The following IFT74 variants were observed in gnomAD, a reference collection of about 807,000 sequenced individuals.
The protein encoded by IFT74 is intraflagellar transport protein 74 homolog.
In IFT74, 92 loss-of-function variants were observed where a neutral mutation model predicts 96.7. The ratio of observed to expected loss-of-function variants is 0.95; its 90% CI spans 0.80 to 1.13. The LOEUF (loss-of-function observed/expected upper bound fraction) is 1.13, where lower values mean the gene tolerates loss of function less well. Among genes scored for constraint, IFT74 ranks in the 50% most tolerant of loss-of-function variants. The pLI is 0.00. For synonymous variants in IFT74, 223 were observed against 213.2 expected (o/e 1.05, Z -0.40); for missense variants, 811 against 698.2 (o/e 1.16, Z -1.82).
chr9:27,033,853 A>T (rs561830657), intron 13 of IFT74, among the ~76,000 whole-genome samples: 169 of 152,336 alleles, frequency 1.1e-3, no homozygotes, highest in Non-Finnish European at 2.0e-3. Flanking sequence ...AAAAGGTTGT[A>T]TTATGTTATA....
Position 27,048,151 on chromosome 9 carries a change from A to G in IFT74, c.1210A>G (p.Ile404Val). Residue 404 changes from isoleucine to valine, a missense_variant, in exon 16 of 20, where the codon ATA (isoleucine) becomes GTA (valine). By Grantham distance (29) the Ile-to-Val change is conservative. Transcript: ENST00000380062. ...TTTTATTTCTCTGCAAATGCAGAAT[A>G]TAAATCGTATAGAACAGATATCCTC... ...VALLEHCSRN[I>V]NRIEQISSIT... The G allele has an allele frequency of 1.9e-6, 3 of 1,566,770 alleles. No homozygotes were observed. The highest frequency in any genetic ancestry group is 2.6e-6 in the Non-Finnish European group (3 of 1,156,500).
rs73643121 is a variant in IFT74, at chr9:26,975,439, G to A, written c.121-2689G>A. On this transcript the variant is annotated intron_variant, in intron 2 of 19. Coordinates refer to ENST00000380062, the MANE Select transcript of IFT74 (RefSeq NM_025103.4). ...TTTGGCCGGAAAACTGAGGGTTTGA[G>A]GATGGGCCTTCAGTCCAAATAAAAC... Among the ~76,000 whole-genome samples, 894 of 152,252 alleles carry A rather than the reference G, an allele frequency of 5.9e-3. 9 individuals carry two copies. The highest frequency in any genetic ancestry group is 0.02 in the African/African-American group (851 of 41,554).
At chr9:27,001,300 C>CT (rs1047884153) in intron 8 of IFT74, among the ~76,000 whole-genome samples, 2 of 151,812 alleles carry the variant, frequency 1.3e-5, no homozygotes, top group African/African-American at 2.4e-5. Flanking sequence ...ATATTCATCT[C>CT]TTTTTTTTAA....
At chr9:27,037,050 T>C (rs1211229989) in intron 13 of IFT74, among the ~76,000 whole-genome samples, 1 of 151,958 alleles carries the variant, frequency 6.6e-6, no homozygotes, top group Non-Finnish European at 1.5e-5. Flanking sequence ...AAACCCCGTC[T>C]CTACTAAAAA....
chr9:26,980,696 C>G, intron 4 of IFT74, 77 bp downstream of exon 4: 1 of 913,228 alleles, frequency 1.1e-6, no homozygotes, highest in Non-Finnish European at 1.7e-6. Flanking sequence ...GAGTATATAA[C>G]TTTAATATGA....
At chr9:26,982,111 G>A (rs1299124127) in intron 4 of IFT74, among the ~76,000 whole-genome samples, 3 of 151,912 alleles carry the variant, frequency 2.0e-5, no homozygotes, top group Non-Finnish European at 2.9e-5. Context: ...AATCTGAAAC[G>A]TGTTACTCAT....
intron 13 of IFT74, chr9:27,036,387 T>C (rs978424840): frequency 1.3e-6 from 2 of 1,584,792 alleles, no homozygotes; most frequent in Non-Finnish European, 1.7e-6. Context: ...ATATGTACTC[T>C]TTTTACCACA....
chr9:27,059,200 T>C (rs758674684), intron 18 of IFT74, among the ~76,000 whole-genome samples: 2 of 152,208 alleles, frequency 1.3e-5, no homozygotes, highest in Non-Finnish European at 2.9e-5. Context: ...CTCTGTGTTA[T>C]TTGTCATCTT....
At chr9:27,021,191 G>T (rs1314435527) in intron 12 of IFT74, among the ~76,000 whole-genome samples, 1 of 151,802 alleles carries the variant, frequency 6.6e-6, no homozygotes, top group African/African-American at 2.4e-5. Flanking sequence ...AAATATATAC[G>T]CACACACACA....
chr9:26,997,660 G>T, intron 8 of IFT74: 1 of 1,481,866 alleles, frequency 6.7e-7, no homozygotes, highest in Admixed American at 2.2e-5. Flanking sequence ...AACGTGATAT[G>T]AGAGATTTTT....
chr9:26,968,922 T>C (rs1040003516), intron 2 of IFT74, among the ~76,000 whole-genome samples: 4 of 152,148 alleles, frequency 2.6e-5, no homozygotes, highest in Non-Finnish European at 5.9e-5. Flanking sequence ...TTATTTCTAC[T>C]GTGATCTTTA....
intron 14 of IFT74, among the ~76,000 whole-genome samples, chr9:27,045,668 G>C (rs1819667890): frequency 6.6e-6 from 1 of 151,816 alleles, no homozygotes; most frequent in South Asian, 2.1e-4. Context: ...CTCAATTACT[G>C]GTTTCCTTTT....
At chr9:26,949,252 C>G (rs1253178227) in intron 1 of IFT74, among the ~76,000 whole-genome samples, 1 of 152,288 alleles carries the variant, frequency 6.6e-6, no homozygotes, top group Middle Eastern at 3.4e-3. Context: ...TTAGTTCTCA[C>G]AATAACCCTG....
intron 2 of IFT74, among the ~76,000 whole-genome samples, chr9:26,971,494 C>T (rs1400532698): frequency 2.0e-5 from 3 of 152,216 alleles, no homozygotes; most frequent in African/African-American, 2.4e-5. Flanking sequence ...ATCCATTTTC[C>T]TTCTGTGTTT....
intron 4 of IFT74, 94 bp downstream of exon 4, chr9:26,980,713 A>G: frequency 1.3e-6 from 1 of 741,680 alleles, no homozygotes; most frequent in Non-Finnish European, 2.2e-6. Flanking sequence ...ATGAAGTTTT[A>G]GCTAGGCACT....
chr9:27,000,020 A>G (rs901362447), intron 8 of IFT74, among the ~76,000 whole-genome samples: 1 of 151,928 alleles, frequency 6.6e-6, no homozygotes, highest in Non-Finnish European at 1.5e-5. Flanking sequence ...ATTTCCCCCC[A>G]GCCACTGGCG....
intron 2 of IFT74, among the ~76,000 whole-genome samples, chr9:26,971,101 C>A (rs1168058616): frequency 6.6e-6 from 1 of 152,150 alleles, no homozygotes; most frequent in Non-Finnish European, 1.5e-5. Flanking sequence ...CAATTAATGC[C>A]TTTATAACTG....
chr9:26,960,353 T>G (rs1826302621), intron 1 of IFT74, among the ~76,000 whole-genome samples: 1 of 152,206 alleles, frequency 6.6e-6, no homozygotes, highest in African/African-American at 2.4e-5. Context: ...TTCATAACTA[T>G]TTTATATGAC....
At chr9:26,982,778 A>T (rs1236047610) in intron 4 of IFT74, among the ~76,000 whole-genome samples, 1 of 151,484 alleles carries the variant, frequency 6.6e-6, no homozygotes, top group Non-Finnish European at 1.5e-5. Flanking sequence ...TTTAGTAGAG[A>T]TGGGGGTTTC....
Sources: gnomAD v4.1 joint callset for allele counts (sites outside exome capture counted in the v4.1 genomes callset) on GRCh38, gnomAD v4.1.1 for gene constraint, MANE v1.5 for transcripts, NCBI Gene and HGNC (gene_info 2026-07-23, HGNC 2026-07-21) for gene names.